Variants in COL25A1 observed in about 807,000 individuals in gnomAD.
COL25A1 encodes the protein collagen type XXV alpha 1 chain.
In COL25A1, 103 loss-of-function variants were observed where a neutral mutation model predicts 128.4. The observed-to-expected ratio is 0.80, with a 90% confidence interval of 0.68 to 0.94. COL25A1 has a LOEUF of 0.94. COL25A1 is among the 40% of genes least tolerant of loss of function. The probability of loss-of-function intolerance (pLI) is 0.00; values close to 1 mark genes in which losing one functional copy is unlikely to be tolerated. For missense variants in COL25A1, 745 were observed against 840.0 expected (o/e 0.89, Z 1.40); for synonymous variants, 279 against 277.2 (o/e 1.01, Z -0.06).
intron 24 of COL25A1, among the ~76,000 whole-genome samples, chr4:108,854,563 A>T (rs897724245): frequency 2.3e-4 from 35 of 152,352 alleles, no homozygotes; most frequent in African/African-American, 8.2e-4. Flanking sequence ...ATATGAACAG[A>T]CATTTTTCAA....
At chr4:108,889,348 G>GC in intron 17 of COL25A1, 92 bp from the exon 18 acceptor site, 1 of 1,171,408 alleles carries the variant, frequency 8.5e-7, no homozygotes, top group Non-Finnish European at 1.3e-6. Flanking sequence ...GGATGGCCTA[G>GC]CCCCCTTCTT....
chr4:109,017,060 G>A (rs537011228), intron 5 of COL25A1, among the ~76,000 whole-genome samples: 5 of 152,280 alleles, frequency 3.3e-5, no homozygotes, highest in Admixed American at 6.5e-5. Flanking sequence ...CTCCCTCTTC[G>A]GGGCTCTGTG....
intron 28 of COL25A1, 53 bp downstream of exon 28, chr4:108,846,086 C>A (rs1735056571): frequency 2.6e-6 from 3 of 1,155,240 alleles, no homozygotes; most frequent in Non-Finnish European, 3.9e-6. Flanking sequence ...TTTAATTTAT[C>A]TTAATAAGAA....
At chr4:109,285,861 T>G (rs1214117809) in intron 3 of COL25A1, among the ~76,000 whole-genome samples, 1 of 144,690 alleles carries the variant, frequency 6.9e-6, no homozygotes. Context: ...TGTTGGTTTT[T>G]GTTTTGTTTT....
At chr4:109,293,642 C>T (rs1015285024) in intron 3 of COL25A1, among the ~76,000 whole-genome samples, 10 of 152,038 alleles carry the variant, frequency 6.6e-5, no homozygotes, top group South Asian at 6.2e-4. Flanking sequence ...ATGATTAACA[C>T]GCAAATGAAC....
intron 6 of COL25A1, 126 bp downstream of exon 6, chr4:109,010,232 T>C: frequency 1.4e-6 from 1 of 739,744 alleles, no homozygotes. Context: ...AAATATTTGG[T>C]CTACTGTGTG....
chr4:109,007,062 A>C (rs1756088939), intron 6 of COL25A1, among the ~76,000 whole-genome samples: 1 of 152,196 alleles, frequency 6.6e-6, no homozygotes, highest in African/African-American at 2.4e-5. Context: ...CTGAACTTAA[A>C]ATAAAAGTTG....
At chr4:109,135,931 G>A (rs3108933) in intron 3 of COL25A1, among the ~76,000 whole-genome samples, 78,334 of 151,990 alleles carry the variant, frequency 0.52, 23,050 homozygotes, top group Non-Finnish European at 0.66. Flanking sequence ...CCTAGAGTCT[G>A]AGACACAGTT....
At chr4:109,014,869 A>G (rs1757070484) in intron 5 of COL25A1, among the ~76,000 whole-genome samples, 1 of 152,232 alleles carries the variant, frequency 6.6e-6, no homozygotes, top group Admixed American at 6.5e-5. Context: ...TAAAACTTGG[A>G]ATACACAACA....
rs757031153 is a variant in COL25A1 at position 109,284,190 on chromosome 4, C to T, written c.367+16393G>A. The stretch of plus-strand genomic sequence containing the variant: ...CTATAATCCCAGCACTTTGGGAGGC[C>T]GAGGCAGGCAGATCACCTGAGGTCA... On this transcript the variant is annotated intron_variant, in intron 3 of 37. Transcript: ENST00000399132. Among the ~76,000 whole-genome samples the T allele has an allele frequency of 6.6e-5, 10 of 152,184 alleles. No individual in the cohort carries two copies. The South Asian group carries it at 1.2e-3, about 19-fold the overall frequency.
intron 19 of COL25A1, among the ~76,000 whole-genome samples, chr4:108,869,499 A>G (rs1488886534): frequency 2.0e-5 from 3 of 152,240 alleles, no homozygotes; most frequent in African/African-American, 7.2e-5. Flanking sequence ...TGGTGACCAA[A>G]ATCAGGTCAC....
At chr4:109,016,305 T>G (rs1387133056) in intron 5 of COL25A1, among the ~76,000 whole-genome samples, 1 of 152,182 alleles carries the variant, frequency 6.6e-6, no homozygotes. Flanking sequence ...AGACTTTAAG[T>G]GCCAATGAGC....
At chr4:109,132,717 A>C (rs7669769) in intron 3 of COL25A1, among the ~76,000 whole-genome samples, 42,788 of 151,992 alleles carry the variant, frequency 0.28, 6,865 homozygotes, top group African/African-American at 0.43. Flanking sequence ...GAAAGTAGTA[A>C]GTAATGACAT....
At chr4:108,983,649 G>A (rs1753282252) in intron 6 of COL25A1, among the ~76,000 whole-genome samples, 1 of 152,112 alleles carries the variant, frequency 6.6e-6, no homozygotes, top group Non-Finnish European at 1.5e-5. Flanking sequence ...TTGTTCGGAT[G>A]TGTTTGGAGT....
intron 3 of COL25A1, among the ~76,000 whole-genome samples, chr4:109,090,482 G>GA (rs1050152581): frequency 6.6e-5 from 10 of 152,130 alleles, no homozygotes; most frequent in Non-Finnish European, 1.3e-4. Flanking sequence ...AGGAAACTAT[G>GA]AAAGTGCTTT....
chr4:109,080,642 T>C (rs943546601), intron 3 of COL25A1, among the ~76,000 whole-genome samples: 1 of 152,216 alleles, frequency 6.6e-6, no homozygotes, highest in African/African-American at 2.4e-5. Flanking sequence ...TCAAAAGATG[T>C]TGAACCCGGG....
chr4:108,941,521 T>G (rs544369322), intron 8 of COL25A1, 84 bp from the exon 9 acceptor site: 18 of 942,422 alleles, frequency 1.9e-5, no homozygotes, highest in African/African-American at 9.8e-5. Context: ...AAGAAAGAAA[T>G]AAAGATATCC....
chr4:109,296,221 T>C (rs1724966368), intron 3 of COL25A1, among the ~76,000 whole-genome samples: 4 of 152,140 alleles, frequency 2.6e-5, no homozygotes, highest in African/African-American at 2.4e-5. Flanking sequence ...ATCAGCTTTT[T>C]ATCCATTGCT....
intron 35 of COL25A1, 31 bp downstream of exon 35, chr4:108,824,143 A>G: frequency 6.2e-7 from 1 of 1,614,068 alleles, no homozygotes; most frequent in Non-Finnish European, 8.5e-7. Flanking sequence ...AGAAGAATCA[A>G]ACAAGGTACA....
Sources: gnomAD v4.1 joint callset for allele counts (sites outside exome capture counted in the v4.1 genomes callset) on GRCh38, gnomAD v4.1.1 for gene constraint, MANE v1.5 for transcripts, NCBI Gene and HGNC (gene_info 2026-07-23, HGNC 2026-07-21) for gene names.